Variants in LAMA1 observed in about 807,000 individuals in gnomAD.
LAMA1 encodes the protein laminin subunit alpha-1.
In LAMA1, 219 loss-of-function variants were observed where a neutral mutation model predicts 348.7. The observed-to-expected ratio is 0.63, with a 90% CI of 0.56 to 0.70. The LOEUF is 0.70. LAMA1 is among the 30% of genes least tolerant of loss of function. The pLI is 0.00. For missense variants in LAMA1, 3,744 were observed against 3,888.0 expected, an observed-to-expected ratio of 0.96 and a Z score of 0.99; for synonymous variants, 1,487 against 1,491.0, an observed-to-expected ratio of 1.00 and a Z score of 0.06.
At chr18:7,022,242 G>C (rs1217039819) in intron 19 of LAMA1, among the ~76,000 whole-genome samples, 1 of 152,154 alleles carries the variant, frequency 6.6e-6, no homozygotes. Context: ...AACAATGAAT[G>C]AACGGAGGAA....
intron 10 of LAMA1, among the ~76,000 whole-genome samples, chr18:7,039,740 C>G (rs1442600278): frequency 6.6e-6 from 1 of 152,086 alleles, no homozygotes. Flanking sequence ...CATAGTTTAC[C>G]AAGTCCTGGT....
At position 7,111,921 on chromosome 18, in the gene LAMA1, T is replaced by A. The variant is rs183454370; in HGVS notation, c.61+5739A>T. ...GTAGACTTAACTTCTTCATTAGAAA[T>A]TTTTTTAAATACATATTTTCTGTAC... On this transcript the variant is annotated intron_variant, in intron 1 of 62. Transcript: ENST00000389658. Among the ~76,000 whole-genome samples the A allele has an allele frequency of 5.0e-3, 767 of 152,272 alleles. 11 individuals carry two copies. Among genetic ancestry groups the A allele is most frequent in the African/African-American group, 0.018 (735 of 41,554 alleles).
In LAMA1 at chr18:7,051,700, C is replaced by T. The variant is rs112884889; in HGVS notation, c.346-764G>A. 5.1e-4 allele frequency among the ~76,000 whole-genome samples: 78 copies of T among 152,166 alleles called. 1 individual carries two copies. Among genetic ancestry groups the T allele is most frequent in the African/African-American group, 1.9e-3 (77 of 41,492 alleles). On this transcript the variant is annotated intron_variant, in intron 3 of 62. Transcript: ENST00000389658. ...ATTTTTCATAGTGATTTGGAGATAA[C>T]ACATCTAAAATTGAGAAAAAAGTCA...
At chr18:6,951,372 T>C (rs1325439454) in intron 57 of LAMA1, among the ~76,000 whole-genome samples, 3 of 152,174 alleles carry the variant, frequency 2.0e-5, no homozygotes, top group Non-Finnish European at 4.4e-5. Context: ...AAGTGAGAGC[T>C]TGATGGCAGG....
intron 3 of LAMA1, among the ~76,000 whole-genome samples, chr18:7,057,471 C>CTTTTTTTTTTTTTTTTTT (rs552843703): frequency 1.2e-4 from 11 of 90,806 alleles, no homozygotes; most frequent in Non-Finnish European, 2.0e-4. Context: ...CTTTTCTTTT[C>CTTTTTTTTTTTTTTTTTT]TTTTTTTTTT....
At chr18:7,095,217 A>G (rs1568065891) in intron 1 of LAMA1, among the ~76,000 whole-genome samples, 2 of 151,574 alleles carry the variant, frequency 1.3e-5, no homozygotes, top group Non-Finnish European at 2.9e-5. Context: ...GTTCTTCCCT[A>G]TATTTGTATT....
At chr18:7,099,793 T>C (rs2058283900) in intron 1 of LAMA1, among the ~76,000 whole-genome samples, 1 of 151,864 alleles carries the variant, frequency 6.6e-6, no homozygotes, top group Non-Finnish European at 1.5e-5. Flanking sequence ...GCACGGTGGT[T>C]CACACCTGCA....
Position 6,973,128 on chromosome 18 carries a change from CA to C in LAMA1, c.6702del (p.Thr2236GlnfsTer7), listed in dbSNP as rs2057665979. 1 of 1,613,954 alleles carries C rather than the reference CA, an allele frequency of 6.2e-7. No homozygotes were observed. The highest frequency in any genetic ancestry group is 8.5e-7 in the Non-Finnish European group (1 of 1,179,904). ...TTTACATCCAGAACATTAGCTGTCC[CA>C]GGGGATTTACTTGTTTTTGTTGGTG... Reference protein sequence around the residue: ...QKSPTKTSKSPGTANVLDVNN... With the variant: ...QKSPTKTSKSXGTANVLDVNN... On this transcript the variant is annotated frameshift_variant, in exon 47 of 63. Coordinates refer to ENST00000389658, the MANE Select transcript of LAMA1 (RefSeq NM_005559.4). LOFTEE classifies it high-confidence loss of function.
chr18:7,012,514 A>G (rs9947211), intron 23 of LAMA1, among the ~76,000 whole-genome samples: 5,005 of 147,504 alleles, frequency 0.034, 286 homozygotes, highest in African/African-American at 0.12. Context: ...TATTATTATT[A>G]TTATTATTTA....
intron 3 of LAMA1, among the ~76,000 whole-genome samples, chr18:7,055,157 T>C (rs892819984): frequency 3.3e-5 from 5 of 151,654 alleles, no homozygotes; most frequent in Admixed American, 6.6e-5. Flanking sequence ...TATATGTATA[T>C]ATAAAAATTT....
intron 1 of LAMA1, among the ~76,000 whole-genome samples, chr18:7,103,430 G>A (rs555594502): frequency 1.3e-5 from 2 of 151,780 alleles, no homozygotes; most frequent in South Asian, 4.2e-4. Flanking sequence ...AAAAAATAAT[G>A]TGAGCAGAGG....
At position 7,013,929 on chromosome 18, in the gene LAMA1, G is replaced by A. The variant is rs2057873181; in HGVS notation, c.3249C>T (p.Asp1083=). ...AGTCACAGGGAACACAGTCGGGAAA[G>A]TCTCTGTAACCCAAGGAACACTGAT... ...ACDQCSLGYR[D]FPDCVPCDCD... Residue 1083 remains aspartate, a synonymous_variant, in exon 23 of 63, where the codon GAC becomes GAT. Coordinates refer to ENST00000389658, the MANE Select transcript of LAMA1 (RefSeq NM_005559.4). The A allele has an allele frequency of 6.2e-7, 1 of 1,613,892 alleles. No homozygotes were observed. The highest frequency in any genetic ancestry group is 1.1e-5 in the South Asian group (1 of 91,028).
chr18:7,025,947 G>A, intron 17 of LAMA1, 32 bp downstream of exon 17: 1 of 1,592,172 alleles, frequency 6.3e-7, no homozygotes, highest in Non-Finnish European at 8.6e-7. Context: ...TGGCCATGCT[G>A]GCAGGAACCG....
intron 16 of LAMA1, among the ~76,000 whole-genome samples, chr18:7,028,266 T>G (rs923176802): frequency 1.3e-5 from 2 of 152,192 alleles, no homozygotes; most frequent in African/African-American, 4.8e-5. Context: ...AAACTTTTCA[T>G]AAGTTGATAG....
At chr18:7,030,640 T>C (rs1219105217) in intron 16 of LAMA1, among the ~76,000 whole-genome samples, 1 of 152,196 alleles carries the variant, frequency 6.6e-6, no homozygotes, top group East Asian at 1.9e-4. Context: ...TCTAAAATTA[T>C]TTCCAAAACA....
At chr18:6,984,108 G>T (rs927203598) in intron 39 of LAMA1, among the ~76,000 whole-genome samples, 1 of 152,170 alleles carries the variant, frequency 6.6e-6, no homozygotes, top group East Asian at 1.9e-4. Flanking sequence ...TGGGGGAAAT[G>T]ATGAAAACTG....
chr18:7,043,723 C>A (rs958942704), intron 7 of LAMA1, among the ~76,000 whole-genome samples: 7 of 152,114 alleles, frequency 4.6e-5, no homozygotes, highest in African/African-American at 1.7e-4. Flanking sequence ...AGACTAATAA[C>A]CATCAAAATA....
At chr18:7,010,082 C>A in intron 26 of LAMA1, 118 bp downstream of exon 26, 1 of 1,162,338 alleles carries the variant, frequency 8.6e-7, no homozygotes, top group Non-Finnish European at 1.3e-6. Context: ...GGTGGGATTA[C>A]AGGTGTGAGC....
Position 7,051,557 on chromosome 18 carries a change from G to GTAT in LAMA1, c.346-624_346-622dup, listed in dbSNP as rs1262123760. 1.3e-5 allele frequency among the ~76,000 whole-genome samples: 2 copies of GTAT among 152,006 alleles called. 1 individual carries two copies. The highest frequency in any genetic ancestry group is 2.9e-5 in the Non-Finnish European group (2 of 68,008). ...AAAAGTACTCACAAATAAATATGTA[G>GTAT]TATTATTATTATTAACAATATTGAT... is the stretch of plus-strand genomic sequence containing the variant. On this transcript the variant is annotated intron_variant, in intron 3 of 62. Coordinates refer to ENST00000389658, the MANE Select transcript of LAMA1 (RefSeq NM_005559.4).
Sources: allele counts gnomAD v4.1 joint callset (sites outside exome capture counted in the v4.1 genomes callset), GRCh38; gene constraint gnomAD v4.1.1; transcripts MANE v1.5; gene names NCBI Gene and HGNC (gene_info 2026-07-23, HGNC 2026-07-21).